The following LAMA3 variants were observed in gnomAD, a reference collection of about 807,000 sequenced individuals.
LAMA3 encodes the protein laminin subunit alpha 3.
LAMA3 carries 281 observed loss-of-function variants against 402.0 expected under a neutral mutation model. That is an observed-to-expected ratio of 0.70 (90% confidence interval 0.63 to 0.77). The LOEUF (loss-of-function observed/expected upper bound fraction) is 0.77, where lower values mean the gene tolerates loss of function less well. Among genes scored for constraint, LAMA3 ranks in the 30% least tolerant of loss-of-function variants. The pLI is 0.00. For missense variants in LAMA3, 3,840 were observed against 4,215.5 expected, an observed-to-expected ratio of 0.91 and a Z score of 2.47; for synonymous variants, 1,431 against 1,558.4, an observed-to-expected ratio of 0.92 and a Z score of 1.93.
chr18:23,813,215 T>C (rs1162514157), intron 14 of LAMA3, 112 bp downstream of exon 14: 2 of 755,172 alleles, frequency 2.6e-6, no homozygotes, highest in Non-Finnish European at 4.6e-6. Context: ...CAAGGCTAAA[T>C]TGCTTAAAGA....
chr18:23,819,774 A>G lies in LAMA3; in HGVS notation c.2148-67A>G, dbSNP rs934656567. 18 of 1,371,542 alleles carry G rather than the reference A, an allele frequency of 1.3e-5. No individual in the cohort carries two copies. In the African/African-American group the frequency reaches 2.3e-4, roughly 17 times the overall value. The allele number at this position is 1,371,542 out of a possible 1,614,324, so 85.0% of individuals were successfully genotyped here. A position where few individuals can be genotyped will look rare whatever the true frequency, so the allele number is the denominator to read the frequency against. On this transcript the variant is annotated intron_variant, in intron 18 of 74. Coordinates refer to ENST00000313654, the MANE Select transcript of LAMA3 (RefSeq NM_198129.4). Reference sequence around the variant, plus strand: ...GAGTTCTTTCATAGTAACTATTGTGATTAAAAGATGTTCAGATGATCTATG... The same window carrying G: ...GAGTTCTTTCATAGTAACTATTGTGGTTAAAAGATGTTCAGATGATCTATG...
intron 40 of LAMA3, among the ~76,000 whole-genome samples, chr18:23,884,055 TGTGTGTG>T (rs1568296322): frequency 7.7e-5 from 6 of 77,826 alleles, no homozygotes; most frequent in Non-Finnish European, 1.0e-4. Context: ...TTGGTGTGTG[TGTGTGTG>T]TGTGTGTGTG....
chr18:23,882,409 C>T (rs1430720954), intron 40 of LAMA3, among the ~76,000 whole-genome samples: 1 of 152,014 alleles, frequency 6.6e-6, no homozygotes. Context: ...GAGGGCGGAT[C>T]ACTTGAGGTC....
intron 1 of LAMA3, chr18:23,710,251 G>A: frequency 1.7e-6 from 1 of 579,838 alleles, no homozygotes; most frequent in Non-Finnish European, 3.1e-6. Flanking sequence ...TCAGCTTTAG[G>A]AGGGACAGGA....
intron 2 of LAMA3, among the ~76,000 whole-genome samples, chr18:23,715,362 C>A (rs767324063): frequency 3.3e-5 from 5 of 151,528 alleles, no homozygotes; most frequent in South Asian, 4.2e-4. Context: ...GTGTCAAATG[C>A]CATTGATAAG....
chr18:23,757,621 GCAGA>G (rs2061877350), intron 6 of LAMA3, among the ~76,000 whole-genome samples: 1 of 152,152 alleles, frequency 6.6e-6, no homozygotes, highest in African/African-American at 2.4e-5. Flanking sequence ...GAGAGAGAAG[GCAGA>G]CAAAGAGGAA....
intron 35 of LAMA3, among the ~76,000 whole-genome samples, chr18:23,862,039 C>T (rs944726816): frequency 1.3e-5 from 2 of 152,204 alleles, no homozygotes; most frequent in African/African-American, 4.8e-5. Flanking sequence ...AAGGAAATCA[C>T]CCACAATGTT....
intron 70 of LAMA3, among the ~76,000 whole-genome samples, chr18:23,949,117 C>G (rs571401740): frequency 6.6e-6 from 1 of 152,312 alleles, no homozygotes; most frequent in South Asian, 2.1e-4. Context: ...GAGGAGTCCC[C>G]TGTTCCAGCC....
At chr18:23,871,034 TTGTATTTTC>T (rs1168728122) in intron 37 of LAMA3, among the ~76,000 whole-genome samples, 1 of 152,206 alleles carries the variant, frequency 6.6e-6, no homozygotes, top group East Asian at 1.9e-4. Context: ...CAAGAAAAGA[TTGTATTTTC>T]TGTCACCGAT....
At chr18:23,937,176 G>C (rs1161606999) in intron 67 of LAMA3, among the ~76,000 whole-genome samples, 1 of 151,946 alleles carries the variant, frequency 6.6e-6, no homozygotes, top group Non-Finnish European at 1.5e-5. Context: ...GACCAGCCTG[G>C]CCAACATGGT....
chr18:23,714,394 C>T (rs532210356), intron 2 of LAMA3, among the ~76,000 whole-genome samples: 2 of 152,154 alleles, frequency 1.3e-5, no homozygotes, highest in East Asian at 1.9e-4. Flanking sequence ...GTGGCGGATG[C>T]GTGTAATCCC....
At position 23,912,769 on chromosome 18, in the gene LAMA3, A is replaced by T. The variant is rs1459063279; in HGVS notation, c.7217A>T (p.Asp2406Val). The change falls in exon 56 of 75, where the codon GAC becomes GTC. Residue 2406 changes from aspartate (D) to valine (V), a missense_variant. This residue lies in a region of LAMA3 where 891 missense variants were observed against 857.5 expected (regional missense o/e 1.04). Transcript: ENST00000313654. The part of the protein sequence containing the change: ...KSGVEVRLPN[D>V]LEDLKGYTSL... ...GGAGTCGAAGTCCGACTGCCAAATG[A>T]CCTGGAAGATTTGAAAGGATATACA... 1 of 1,614,104 alleles carries T rather than the reference A, an allele frequency of 6.2e-7. No individual in the cohort carries two copies. Among genetic ancestry groups the T allele is most frequent in the South Asian group, 1.1e-5 (1 of 91,088 alleles).
intron 70 of LAMA3, among the ~76,000 whole-genome samples, chr18:23,947,559 CTT>C (rs2082750875): frequency 6.6e-6 from 1 of 152,100 alleles, no homozygotes; most frequent in African/African-American, 2.4e-5. Flanking sequence ...GCCTGGCCCT[CTT>C]GGGTTTTGCA....
At chr18:23,858,995 A>T (rs988639616) in intron 34 of LAMA3, among the ~76,000 whole-genome samples, 166 bp downstream of exon 34, 2 of 152,100 alleles carry the variant, frequency 1.3e-5, no homozygotes, top group African/African-American at 4.8e-5. Flanking sequence ...TTCCTTCACC[A>T]CTTCCTATAA....
At chr18:23,927,611 G>A (rs1457386971) in intron 62 of LAMA3, among the ~76,000 whole-genome samples, 2 of 152,070 alleles carry the variant, frequency 1.3e-5, no homozygotes, top group Non-Finnish European at 2.9e-5. Context: ...TAATTGAATA[G>A]AACCAAAAAG....
At chr18:23,817,158 T>C (rs1456686667) in intron 18 of LAMA3, among the ~76,000 whole-genome samples, 1 of 152,146 alleles carries the variant, frequency 6.6e-6, no homozygotes, top group Non-Finnish European at 1.5e-5. Flanking sequence ...CAATGAACTA[T>C]AGGAGCGAGG....
intron 55 of LAMA3, among the ~76,000 whole-genome samples, chr18:23,910,629 A>G (rs2081396605): frequency 6.6e-6 from 1 of 152,226 alleles, no homozygotes; most frequent in South Asian, 2.1e-4. Context: ...AGAGGGTCAG[A>G]ATAGCACTAA....
intron 39 of LAMA3, among the ~76,000 whole-genome samples, chr18:23,881,733 G>A (rs1047070549): frequency 6.6e-6 from 1 of 152,246 alleles, no homozygotes; most frequent in East Asian, 1.9e-4. Flanking sequence ...TAAGCACCGC[G>A]TCACTGAGGG....
chr18:23,785,986 C>G (rs759346818), intron 12 of LAMA3, among the ~76,000 whole-genome samples: 3 of 152,082 alleles, frequency 2.0e-5, no homozygotes, highest in Non-Finnish European at 4.4e-5. Context: ...CATGACAAAG[C>G]AGAGGGGAGG....
Sources: allele counts gnomAD v4.1 joint callset (sites outside exome capture counted in the v4.1 genomes callset), GRCh38; gene constraint gnomAD v4.1.1; regional missense constraint gnomAD v4.1.1; transcripts MANE v1.5; gene names NCBI Gene and HGNC (gene_info 2026-07-23, HGNC 2026-07-21).